The following NT5M variants were observed in gnomAD, a reference collection of about 807,000 sequenced individuals.
The protein encoded by NT5M is 5',3'-nucleotidase, mitochondrial.
Under a neutral mutation model 22.2 loss-of-function variants are expected in NT5M, and 22 were observed. The observed-to-expected ratio is 0.99, with a 90% CI of 0.71 to 1.41. The LOEUF (loss-of-function observed/expected upper bound fraction) is 1.41, where lower values mean the gene tolerates loss of function less well. Ranked by LOEUF, NT5M falls within the 40% of genes most tolerant of loss-of-function variation. The pLI is 0.00. For synonymous variants in NT5M, 167 were observed against 133.0 expected (o/e 1.26, Z -1.76); for missense variants, 322 against 314.8 (o/e 1.02, Z -0.17).
chr17:17,337,683 C>A (rs182987228), intron 3 of NT5M, among the ~76,000 whole-genome samples: 4 of 152,156 alleles, frequency 2.6e-5, no homozygotes, highest in Non-Finnish European at 1.5e-5. Flanking sequence ...AGCCATCACA[C>A]GCAGCCACCA....
At chr17:17,315,192 AAC>A (rs1231612071) in intron 2 of NT5M, among the ~76,000 whole-genome samples, 4 of 152,208 alleles carry the variant, frequency 2.6e-5, no homozygotes. Flanking sequence ...TAAGAACTTA[AAC>A]CTGATTTTAA....
At chr17:17,320,408 C>T (rs554145468) in intron 2 of NT5M, among the ~76,000 whole-genome samples, 4 of 151,760 alleles carry the variant, frequency 2.6e-5, no homozygotes, top group South Asian at 2.1e-4. Flanking sequence ...TGTGCTTTGG[C>T]GGGACCCATA....
chr17:17,331,660 T>C (rs1044925991), intron 3 of NT5M, among the ~76,000 whole-genome samples: 1 of 151,548 alleles, frequency 6.6e-6, no homozygotes, highest in Non-Finnish European at 1.5e-5. Flanking sequence ...AGTGGAACGA[T>C]CATAGCTCAC....
intron 3 of NT5M, among the ~76,000 whole-genome samples, chr17:17,341,300 G>T (rs1223749821): frequency 1.3e-5 from 2 of 152,074 alleles, no homozygotes; most frequent in Admixed American, 1.3e-4. Flanking sequence ...TCTGTATCAG[G>T]CATTACTCAG....
chr17:17,346,575 C>T (rs555309695), intron 4 of NT5M, among the ~76,000 whole-genome samples: 11 of 152,334 alleles, frequency 7.2e-5, no homozygotes, highest in African/African-American at 2.4e-4. Flanking sequence ...CAGTGACCCG[C>T]AGTCAGTCCC....
At chr17:17,315,138 AT>A (rs35945070) in intron 2 of NT5M, among the ~76,000 whole-genome samples, 25,062 of 151,870 alleles carry the variant, frequency 0.17, 2,458 homozygotes, top group African/African-American at 0.26. Flanking sequence ...TTAAAAAAAA[AT>A]TTTTTTTTAA....
At position 17,332,131 on chromosome 17, in the gene NT5M, C is replaced by T. The variant is rs147158022; in HGVS notation, c.429+8886C>T. Among the ~76,000 whole-genome samples, 13 of 152,272 alleles carry T rather than the reference C, an allele frequency of 8.5e-5. No homozygotes were observed. In the East Asian group the frequency reaches 2.5e-3, roughly 29 times the overall value. On this transcript the variant is annotated intron_variant, in intron 3 of 4. Transcript: ENST00000389022. ...ATTCACCCAACTCCACACCTGCATA[C>T]CCCACCCTCCTTGATTTAAGACCTG...
intron 4 of NT5M, among the ~76,000 whole-genome samples, chr17:17,346,374 C>T (rs936189986): frequency 6.6e-6 from 1 of 152,252 alleles, no homozygotes; most frequent in Admixed American, 6.5e-5. Context: ...TGGTGAGCTG[C>T]AGAGCTGGTG....
intron 3 of NT5M, among the ~76,000 whole-genome samples, chr17:17,333,168 T>C (rs9912172): frequency 0.26 from 38,979 of 152,170 alleles, 5,669 homozygotes; most frequent in African/African-American, 0.39. Flanking sequence ...AATGTTCAAG[T>C]CTTTTGCCTC....
At chr17:17,340,955 T>C (rs2049630657) in intron 3 of NT5M, among the ~76,000 whole-genome samples, 2 of 152,196 alleles carry the variant, frequency 1.3e-5, no homozygotes, top group African/African-American at 2.4e-5. Flanking sequence ...GTGGCACTTA[T>C]AGCTATAAAC....
chr17:17,346,921 A>G lies in NT5M; in HGVS notation c.661A>G (p.Ile221Val). Residue 221 changes from isoleucine to valine, a missense_variant, in exon 5 of 5, where the codon ATT becomes GTT. Physicochemically the swap from Ile to Val is conservative, Grantham distance 29 (BLOSUM62 3). Coordinates refer to ENST00000389022, the MANE Select transcript of NT5M (RefSeq NM_020201.4). Reference sequence around the variant, plus strand: ...CTCGTGGGCGGACGACTGGAAGGCCATTCTGGACAGCAAGCGGCCCTGCTG... The same window carrying G: ...CTCGTGGGCGGACGACTGGAAGGCCGTTCTGGACAGCAAGCGGCCCTGCTG... ...LHSWADDWKA[I>V]LDSKRPC 2 of 1,611,472 alleles carry G rather than the reference A, an allele frequency of 1.2e-6. No individual in the cohort carries two copies. The highest frequency in any genetic ancestry group is 2.2e-5 in the East Asian group (1 of 44,856).
intron 3 of NT5M, among the ~76,000 whole-genome samples, chr17:17,344,119 G>A (rs912490562): frequency 3.9e-5 from 6 of 152,160 alleles, no homozygotes; most frequent in African/African-American, 1.2e-4. Flanking sequence ...CCTGCCCCCC[G>A]GGGAGCACCA....
chr17:17,346,666 G>A lies in NT5M; in HGVS notation c.545-139G>A, dbSNP rs887582179. Reference sequence around the variant, plus strand: ...ATCCTCACACCCGCTGCGAAGGCGGGTGTGCGTGCAGTCACCCCTTTACAG... The same window carrying A: ...ATCCTCACACCCGCTGCGAAGGCGGATGTGCGTGCAGTCACCCCTTTACAG... On this transcript the variant is annotated intron_variant, in intron 4 of 4. Coordinates refer to ENST00000389022, the MANE Select transcript of NT5M (RefSeq NM_020201.4). 1.2e-5 allele frequency: 11 copies of A among 941,748 alleles called. No homozygotes were observed. In the Admixed American group the frequency reaches 1.8e-4, roughly 15 times the overall value. The allele number at this position is 941,748 out of a possible 1,614,324, so 58.3% of individuals were successfully genotyped here.
At chr17:17,314,966 G>T (rs1390658299) in intron 2 of NT5M, among the ~76,000 whole-genome samples, 1 of 152,124 alleles carries the variant, frequency 6.6e-6, no homozygotes, top group Admixed American at 6.6e-5. Flanking sequence ...TTGCATGTCT[G>T]TGTCTGTCCC....
chr17:17,304,349 C>A, intron 1 of NT5M: 1 of 968,522 alleles, frequency 1.0e-6, no homozygotes, highest in South Asian at 4.8e-5. Context: ...CACCTCATGT[C>A]TTATCCCCTT....
chr17:17,307,146 C>T (rs7217162), intron 2 of NT5M, among the ~76,000 whole-genome samples: 116,098 of 151,930 alleles, frequency 0.76, 45,009 homozygotes, highest in Non-Finnish European at 0.83. Context: ...TGTGGTGAGC[C>T]GAGATCGCGC....
intron 3 of NT5M, among the ~76,000 whole-genome samples, chr17:17,328,557 A>G (rs2049309440): frequency 1.3e-5 from 2 of 152,108 alleles, no homozygotes; most frequent in Non-Finnish European, 1.5e-5. Flanking sequence ...AGGGCTGGAG[A>G]TGGGTCTCGG....
chr17:17,306,724 C>T (rs2048810341), intron 2 of NT5M, 81 bp downstream of exon 2: 1 of 948,118 alleles, frequency 1.1e-6, no homozygotes, highest in Non-Finnish European at 1.7e-6. Flanking sequence ...TTCTTCCCTC[C>T]TCTGCCTTCT....
At chr17:17,342,028 C>G (rs970904731) in intron 3 of NT5M, among the ~76,000 whole-genome samples, 23 of 144,028 alleles carry the variant, frequency 1.6e-4, no homozygotes, top group African/African-American at 5.4e-4. Flanking sequence ...GACTCTGTCT[C>G]AAAAAAAAGA....
Sources: allele counts gnomAD v4.1 joint callset (sites outside exome capture counted in the v4.1 genomes callset), GRCh38; gene constraint gnomAD v4.1.1; transcripts MANE v1.5; gene names NCBI Gene and HGNC (gene_info 2026-07-23, HGNC 2026-07-21).